Variants in PPARGC1A observed in about 807,000 individuals in gnomAD.
The protein encoded by PPARGC1A is peroxisome proliferator-activated receptor gamma coactivator 1-alpha.
Under a neutral mutation model 88.7 loss-of-function variants are expected in PPARGC1A, and 25 were observed. The observed-to-expected ratio is 0.28, with a 90% confidence interval of 0.21 to 0.39. The LOEUF (loss-of-function observed/expected upper bound fraction) is 0.39. Among genes scored for constraint, PPARGC1A ranks in the 10% least tolerant of loss-of-function variants. PPARGC1A has a pLI of 1.00. For missense variants in PPARGC1A, 880 were observed against 968.7 expected, an observed-to-expected ratio of 0.91 and a Z score of 1.22; for synonymous variants, 363 against 355.6, an observed-to-expected ratio of 1.02 and a Z score of -0.24.
upstream of PPARGC1A, among the ~76,000 whole-genome samples, chr4:23,904,760 A>G (rs1227753256): frequency 6.6e-6 from 1 of 152,206 alleles, no homozygotes; most frequent in Non-Finnish European, 1.5e-5. Context: ...GCTGAGATGT[A>G]CTAAGCCCTT....
chr4:24,199,139 C>T, the PPARGC1A span, among the ~76,000 whole-genome samples: 144,770 of 152,258 alleles, frequency 0.95, 68,872 homozygotes, highest in East Asian at 1. Flanking sequence ...ACCCCATACA[C>T]GTAAGCTCAA....
At chr4:24,317,787 G>A in the PPARGC1A span, among the ~76,000 whole-genome samples, 5 of 151,962 alleles carry the variant, frequency 3.3e-5, no homozygotes, top group African/African-American at 1.2e-4. Flanking sequence ...AAATTCCACA[G>A]CAAGGCATTT....
chr4:23,898,369 A>G (rs2148873715), intron 1 of PPARGC1A, among the ~76,000 whole-genome samples: 1 of 152,308 alleles, frequency 6.6e-6, no homozygotes. Context: ...ATGCCACCTA[A>G]GACCAACCAG....
At chr4:24,424,307 G>T in the PPARGC1A span, among the ~76,000 whole-genome samples, 1 of 107,942 alleles carries the variant, frequency 9.3e-6, no homozygotes, top group Admixed American at 1.5e-4. Flanking sequence ...ACAGAGTCTC[G>T]CTCTGTCGCC....
At chr4:24,024,582 G>T in the PPARGC1A span, among the ~76,000 whole-genome samples, 1 of 152,130 alleles carries the variant, frequency 6.6e-6, no homozygotes, top group Admixed American at 6.6e-5. Flanking sequence ...ATTCTGATGG[G>T]CAGCAATTTA....
chr4:24,144,972 T>C, the PPARGC1A span, among the ~76,000 whole-genome samples: 1 of 152,024 alleles, frequency 6.6e-6, no homozygotes, highest in Admixed American at 6.6e-5. Context: ...GTACTAACTT[T>C]TTTAGTCTGG....
At chr4:23,859,609 G>A (rs1223021331) in intron 2 of PPARGC1A, among the ~76,000 whole-genome samples, 3 of 151,832 alleles carry the variant, frequency 2.0e-5, no homozygotes, top group Middle Eastern at 3.4e-3. Flanking sequence ...GTGAAACCTC[G>A]TTTCTAGTAA....
chr4:24,236,622 C>T, the PPARGC1A span, among the ~76,000 whole-genome samples: 1,909 of 152,292 alleles, frequency 0.013, 36 homozygotes, highest in African/African-American at 0.043. Context: ...TCATGTCAGA[C>T]GGTCCTATCA....
At chr4:23,824,120 T>A (rs894955395) in intron 7 of PPARGC1A, among the ~76,000 whole-genome samples, 160 bp downstream of exon 7, 14 of 152,008 alleles carry the variant, frequency 9.2e-5, no homozygotes, top group South Asian at 2.1e-4. Context: ...TTTTTTTTTT[T>A]AAATAAACAA....
the PPARGC1A span, among the ~76,000 whole-genome samples, chr4:24,425,528 A>G: frequency 1.2e-3 from 178 of 152,348 alleles, 2 homozygotes; most frequent in Admixed American, 0.012. Flanking sequence ...TTATTCCTAC[A>G]TAAAATTTCC....
the PPARGC1A span, among the ~76,000 whole-genome samples, chr4:24,407,752 G>A: frequency 6.6e-6 from 1 of 152,120 alleles, no homozygotes; most frequent in South Asian, 2.1e-4. Flanking sequence ...TATAAAATAG[G>A]GATAATTGTA....
At chr4:23,850,116 G>C (rs1463209251) in intron 2 of PPARGC1A, among the ~76,000 whole-genome samples, 4 of 152,156 alleles carry the variant, frequency 2.6e-5, no homozygotes, top group African/African-American at 9.7e-5. Flanking sequence ...GTTTGTTTGA[G>C]CTACGGGCTT....
At chr4:24,003,816 A>G in the PPARGC1A span, among the ~76,000 whole-genome samples, 1 of 74,256 alleles carries the variant, frequency 1.3e-5, no homozygotes, top group Non-Finnish European at 2.5e-5. Flanking sequence ...ATAGGATCAG[A>G]TTGATTTTTT....
chr4:24,310,213 C>G, the PPARGC1A span, among the ~76,000 whole-genome samples: 5 of 152,092 alleles, frequency 3.3e-5, no homozygotes, highest in African/African-American at 1.2e-4. Flanking sequence ...TGGCATGTAA[C>G]ATCATAAAGA....
At chr4:23,810,805 C>T (rs1720757942) in intron 10 of PPARGC1A, among the ~76,000 whole-genome samples, 1 of 152,056 alleles carries the variant, frequency 6.6e-6, no homozygotes, top group Admixed American at 6.5e-5. Context: ...TACATGTTCG[C>T]TCAGCATGAT....
intron 2 of PPARGC1A, among the ~76,000 whole-genome samples, chr4:23,840,576 T>A (rs1031094742): frequency 6.6e-6 from 1 of 152,118 alleles, no homozygotes; most frequent in Admixed American, 6.6e-5. Context: ...CCCTATCTTA[T>A]TTTTCCCTTT....
chr4:23,978,534 A>C, the PPARGC1A span, among the ~76,000 whole-genome samples: 1 of 152,312 alleles, frequency 6.6e-6, no homozygotes, highest in Admixed American at 6.5e-5. Context: ...GAATGACAAA[A>C]CAGATGATAT....
intron 2 of PPARGC1A, among the ~76,000 whole-genome samples, chr4:23,855,527 C>A (rs1375904207): frequency 2.0e-5 from 3 of 152,166 alleles, no homozygotes; most frequent in Non-Finnish European, 4.4e-5. Context: ...TACTCTTGTG[C>A]ATTGTATAAT....
the PPARGC1A span, among the ~76,000 whole-genome samples, chr4:24,379,896 A>G: frequency 1.3e-5 from 2 of 150,888 alleles, no homozygotes; most frequent in African/African-American, 4.9e-5. Context: ...CTTCTGCCTC[A>G]GCCTCCCAAG....
Sources: allele counts gnomAD v4.1 joint callset (sites outside exome capture counted in the v4.1 genomes callset), GRCh38; gene constraint gnomAD v4.1.1; transcripts MANE v1.5; gene names NCBI Gene and HGNC (gene_info 2026-07-23, HGNC 2026-07-21).